CTNNA2: variants seen among roughly 807,000 people sequenced by gnomAD.
CTNNA2 encodes catenin alpha 2.
In CTNNA2, 42 loss-of-function variants were observed where a neutral mutation model predicts 101.0. The observed-to-expected ratio is 0.42, with a 90% CI of 0.32 to 0.54. The LOEUF is 0.54. Among genes scored for constraint, CTNNA2 ranks in the 20% least tolerant of loss-of-function variants. The pLI is 0.14. For missense variants in CTNNA2, 871 were observed against 1,223.1 expected, an observed-to-expected ratio of 0.71 and a Z score of 4.29; for synonymous variants, 450 against 456.4, an observed-to-expected ratio of 0.99 and a Z score of 0.18.
intron 7 of CTNNA2, among the ~76,000 whole-genome samples, chr2:80,273,648 C>G (rs189618800): frequency 6.6e-6 from 1 of 152,254 alleles, no homozygotes; most frequent in Non-Finnish European, 1.5e-5. Context: ...TCCTGCCACA[C>G]TGGCCCCCTT....
intron 9 of CTNNA2, among the ~76,000 whole-genome samples, chr2:80,421,685 G>A (rs1416803082): frequency 1.3e-5 from 2 of 151,980 alleles, no homozygotes; most frequent in Non-Finnish European, 2.9e-5. Flanking sequence ...TCCCATGGAT[G>A]GTCACTGTGG....
At chr2:79,219,665 T>C (rs371053775) in intron 2 of CTNNA2, among the ~76,000 whole-genome samples, 8 of 152,162 alleles carry the variant, frequency 5.3e-5, no homozygotes, top group African/African-American at 1.9e-4. Flanking sequence ...AAATCCATGA[T>C]ATTCGTGGAT....
At chr2:79,963,730 C>T (rs1263566415) in intron 7 of CTNNA2, among the ~76,000 whole-genome samples, 1 of 152,180 alleles carries the variant, frequency 6.6e-6, no homozygotes, top group East Asian at 1.9e-4. Flanking sequence ...ATTACTTTGC[C>T]ACAAAATGTC....
At chr2:80,645,690 C>G (rs922324347) in intron 18 of CTNNA2, among the ~76,000 whole-genome samples, 7 of 150,760 alleles carry the variant, frequency 4.6e-5, no homozygotes. Flanking sequence ...CTAATTCATG[C>G]TTGGCTTCTC....
intron 1 of CTNNA2, among the ~76,000 whole-genome samples, chr2:79,541,695 T>G (rs1673432524): frequency 6.6e-6 from 1 of 151,596 alleles, no homozygotes; most frequent in Non-Finnish European, 1.5e-5. Flanking sequence ...GGCATGATCT[T>G]GGCTCACTGC....
intron 4 of CTNNA2, among the ~76,000 whole-genome samples, chr2:79,392,194 G>C (rs567735008): frequency 6.6e-6 from 1 of 152,280 alleles, no homozygotes; most frequent in East Asian, 1.9e-4. Context: ...TTTTGGCCAA[G>C]GTGATGGGAT....
At chr2:80,311,126 T>A (rs1677535832) in intron 7 of CTNNA2, among the ~76,000 whole-genome samples, 1 of 152,284 alleles carries the variant, frequency 6.6e-6, no homozygotes, top group East Asian at 1.9e-4. Context: ...ATTAATTAGG[T>A]TGTTTCTGGT....
chr2:80,053,288 G>A (rs940712903), intron 7 of CTNNA2, among the ~76,000 whole-genome samples: 2 of 152,134 alleles, frequency 1.3e-5, no homozygotes, highest in Non-Finnish European at 2.9e-5. Context: ...CTTCCAGTTA[G>A]ATATGTTCAA....
intron 2 of CTNNA2, chr2:79,281,502 T>C (rs1675382872): frequency 6.6e-6 from 1 of 152,196 alleles, no homozygotes; most frequent in Admixed American, 6.6e-5. Flanking sequence ...GACGTGGAAA[T>C]CAAATAAAGC....
chr2:80,422,872 G>A (rs1158783420), intron 9 of CTNNA2, among the ~76,000 whole-genome samples: 1 of 152,108 alleles, frequency 6.6e-6, no homozygotes, highest in East Asian at 1.9e-4. Flanking sequence ...CAATGTGAGT[G>A]TGGAAAGGTT....
intron 1 of CTNNA2, among the ~76,000 whole-genome samples, chr2:79,616,918 T>TTTTTTTTTTTTC (rs796199835): frequency 0.02 from 3,097 of 151,218 alleles, 117 homozygotes; most frequent in African/African-American, 0.073. Context: ...TCTTTTTTTT[T>TTTTTTTTTTTTC]CGAGACACAG....
At chr2:79,924,050 T>C (rs914830563) in intron 7 of CTNNA2, among the ~76,000 whole-genome samples, 2 of 152,240 alleles carry the variant, frequency 1.3e-5, no homozygotes, top group South Asian at 4.1e-4. Flanking sequence ...ACAGTCAAGA[T>C]GTGGAAGCAA....
At chr2:80,449,678 C>G (rs1039010339) in intron 9 of CTNNA2, among the ~76,000 whole-genome samples, 6 of 152,066 alleles carry the variant, frequency 3.9e-5, no homozygotes, top group African/African-American at 1.4e-4. Flanking sequence ...TGGAATTATC[C>G]AGTGATCAAT....
At chr2:80,394,078 T>G (rs890981585) in intron 8 of CTNNA2, among the ~76,000 whole-genome samples, 1 of 152,238 alleles carries the variant, frequency 6.6e-6, no homozygotes, top group Non-Finnish European at 1.5e-5. Flanking sequence ...TAGCTTTGGC[T>G]ATGTCCATCT....
intron 2 of CTNNA2, among the ~76,000 whole-genome samples, chr2:79,662,126 G>C (rs1366690574): frequency 6.6e-6 from 1 of 151,812 alleles, no homozygotes; most frequent in Admixed American, 6.6e-5. Flanking sequence ...TTTCTTGTTT[G>C]TATCGCCTAA....
At chr2:80,264,661 A>T (rs2149128788) in intron 7 of CTNNA2, among the ~76,000 whole-genome samples, 1 of 152,284 alleles carries the variant, frequency 6.6e-6, no homozygotes, top group Non-Finnish European at 1.5e-5. Context: ...AATATCAAAT[A>T]TCTCTAGGGT....
chr2:80,546,133 C>T (rs187425849), intron 11 of CTNNA2, 70 bp downstream of exon 11: 57 of 1,558,110 alleles, frequency 3.7e-5, no homozygotes, highest in Admixed American at 5.4e-5. Flanking sequence ...AGGAATGTCT[C>T]GCAAATGTCA....
At chr2:79,666,872 TCTC>T (rs567656862) in intron 2 of CTNNA2, among the ~76,000 whole-genome samples, 50 of 152,262 alleles carry the variant, frequency 3.3e-4, no homozygotes, top group Admixed American at 1.1e-3. Flanking sequence ...TCACCTGTCT[TCTC>T]CTGGAGACAG....
chr2:80,200,873 T>A (rs1361745432), intron 7 of CTNNA2, among the ~76,000 whole-genome samples: 3 of 151,700 alleles, frequency 2.0e-5, no homozygotes. Context: ...CCTTGGTTTT[T>A]TTTTTTCCTG....
Sources: allele counts gnomAD v4.1 joint callset (sites outside exome capture counted in the v4.1 genomes callset), GRCh38; gene constraint gnomAD v4.1.1; transcripts MANE v1.5; gene names NCBI Gene and HGNC (gene_info 2026-07-23, HGNC 2026-07-21).